MGRN1: variants seen among roughly 807,000 people sequenced by gnomAD.
MGRN1 encodes the protein E3 ubiquitin-protein ligase MGRN1.
Under a neutral mutation model 69.2 loss-of-function variants are expected in MGRN1, and 29 were observed. The ratio of observed to expected loss-of-function variants is 0.42; its 90% CI spans 0.31 to 0.57. MGRN1 has a LOEUF of 0.57. MGRN1 is among the 20% of genes least tolerant of loss of function. The pLI is 0.15. For missense variants in MGRN1, 998 were observed against 796.2 expected (o/e 1.25, Z -3.05); for synonymous variants, 470 against 344.2 (o/e 1.37, Z -4.04).
intron 16 of MGRN1, chr16:4,686,435 C>T: frequency 7.0e-7 from 1 of 1,426,168 alleles, no homozygotes; most frequent in East Asian, 2.7e-5. Context: ...TCCCAGGGGC[C>T]CTGGATTCCG....
At chr16:4,644,762 C>T (rs188162773) in intron 1 of MGRN1, among the ~76,000 whole-genome samples, 17 of 152,338 alleles carry the variant, frequency 1.1e-4, no homozygotes, top group Admixed American at 8.5e-4. Context: ...TCACAACTTA[C>T]GTCCTTCCAG....
chr16:4,690,848 T>C lies in MGRN1; in HGVS notation c.*1940T>C, dbSNP rs1223983199. On this transcript the variant is annotated 3_prime_UTR_variant, in exon 17 of 17. Coordinates refer to ENST00000262370, the MANE Select transcript of MGRN1 (RefSeq NM_015246.4). ...GCCATCAGTCCTGGTGCCAGAGCTT[T>C]GCGTGAAGTTCGGGCCGCAGAGTGG... The C allele has an allele frequency of 1.4e-5, 2 of 140,696 alleles. No individual in the cohort carries two copies. The highest frequency in any genetic ancestry group is 3.1e-5 in the Non-Finnish European group (2 of 64,942). 8.7% of individuals were successfully genotyped at this position (140,696 alleles called of 1,614,324 possible).
At chr16:4,672,987 T>A (rs2078972346) in intron 9 of MGRN1, among the ~76,000 whole-genome samples, 1 of 152,128 alleles carries the variant, frequency 6.6e-6, no homozygotes, top group Non-Finnish European at 1.5e-5. Context: ...TACAAGCACG[T>A]GCCACCATGC....
intron 10 of MGRN1, among the ~76,000 whole-genome samples, chr16:4,676,128 G>C (rs2079047881): frequency 6.6e-6 from 1 of 152,262 alleles, no homozygotes; most frequent in South Asian, 2.1e-4. Context: ...TGGGGTCACT[G>C]GATGTGTCCA....
intron 1 of MGRN1, among the ~76,000 whole-genome samples, chr16:4,637,168 A>G (rs1898344271): frequency 6.7e-6 from 1 of 150,238 alleles, no homozygotes; most frequent in Admixed American, 6.7e-5. Flanking sequence ...AGTGGCTCAC[A>G]CCTGTAATTC....
At chr16:4,644,682 G>A (rs892651004) in intron 1 of MGRN1, among the ~76,000 whole-genome samples, 7 of 152,140 alleles carry the variant, frequency 4.6e-5, no homozygotes, top group African/African-American at 9.7e-5. Flanking sequence ...TGTAACAATA[G>A]CATCTATTTC....
Position 4,677,436 on chromosome 16 carries a change from C to G in MGRN1, c.956-27C>G, listed in dbSNP as rs1036669646. 65 of 1,520,140 alleles carry G rather than the reference C, an allele frequency of 4.3e-5. 4 individuals carry two copies. Among genetic ancestry groups the G allele is most frequent in the Non-Finnish European group, 8.8e-7 (1 of 1,135,874 alleles). The allele number at this position is 1,520,140 out of a possible 1,614,324, so 94.2% of individuals were successfully genotyped here. ...TCGGGGCTGGGTGTGTCGCCTGGGC[C>G]TGATCTGAGCCCTCCTTCTGCCGCA... On this transcript the variant is annotated intron_variant, in intron 10 of 16. Coordinates refer to ENST00000262370, the MANE Select transcript of MGRN1 (RefSeq NM_015246.4).
chr16:4,642,031 G>A (rs2078170595), intron 1 of MGRN1, among the ~76,000 whole-genome samples: 1 of 151,946 alleles, frequency 6.6e-6, no homozygotes, highest in Non-Finnish European at 1.5e-5. Context: ...GATTGTCTGC[G>A]CCGTGTTGAT....
intron 5 of MGRN1, among the ~76,000 whole-genome samples, chr16:4,660,823 A>G (rs2078660858): frequency 6.6e-6 from 1 of 152,176 alleles, no homozygotes; most frequent in Non-Finnish European, 1.5e-5. Flanking sequence ...CTACAGTCCC[A>G]GCATGATCAG....
intron 16 of MGRN1, chr16:4,687,379 TATGAAAA>T (rs1307477809): frequency 1.7e-5 from 16 of 927,856 alleles, no homozygotes; most frequent in Non-Finnish European, 2.1e-5. Flanking sequence ...ACCCCCTCTC[TATGAAAA>T]ATAAAAAATT....
chr16:4,642,215 C>G (rs1347472169), intron 1 of MGRN1, among the ~76,000 whole-genome samples: 2 of 151,162 alleles, frequency 1.3e-5, no homozygotes, highest in Admixed American at 1.3e-4. Context: ...GCTGCAACCT[C>G]TGCCTCTTGG....
chr16:4,682,433 C>T (rs899659826), intron 13 of MGRN1, among the ~76,000 whole-genome samples: 12 of 152,194 alleles, frequency 7.9e-5, no homozygotes, highest in Admixed American at 3.9e-4. Flanking sequence ...GTCAGGAAGG[C>T]GCGGGTTCTG....
chr16:4,688,391 C>T (rs1177381908), intron 16 of MGRN1: 1 of 1,012,790 alleles, frequency 9.9e-7, no homozygotes, highest in Non-Finnish European at 1.2e-6. Context: ...GCTCCCCACC[C>T]CTGCACCCTG....
intron 9 of MGRN1, among the ~76,000 whole-genome samples, chr16:4,671,991 C>T (rs756725472): frequency 4.6e-5 from 7 of 152,168 alleles, no homozygotes; most frequent in East Asian, 1.9e-4. Flanking sequence ...CTGTGGCCTC[C>T]GCCTCCCGGG....
chr16:4,683,160 G>T lies in MGRN1; in HGVS notation c.1483-64G>T, dbSNP rs551990761. Reference sequence around the variant, plus strand: ...CCCGGGAGGGCCGTGCCTGATGGCGGCTTGTCCTGGAGCGGTGGCCGCGGC... The same window carrying T: ...CCCGGGAGGGCCGTGCCTGATGGCGTCTTGTCCTGGAGCGGTGGCCGCGGC... On this transcript the variant is annotated intron_variant, in intron 14 of 16. Coordinates refer to ENST00000262370, the MANE Select transcript of MGRN1 (RefSeq NM_015246.4). 252 of 1,595,734 alleles carry T rather than the reference G, an allele frequency of 1.6e-4. 1 individual carries two copies. In the African/African-American group the frequency reaches 2.8e-3, roughly 18 times the overall value.
At chr16:4,679,841 G>A (rs2079138284) in intron 11 of MGRN1, among the ~76,000 whole-genome samples, 191 bp from the exon 12 acceptor site, 1 of 152,090 alleles carries the variant, frequency 6.6e-6, no homozygotes, top group South Asian at 2.1e-4. Flanking sequence ...GGGAGCTGCC[G>A]AGACGCACAC....
chr16:4,683,362 G>C (rs2079232827), intron 15 of MGRN1, 93 bp downstream of exon 15: 1 of 1,441,676 alleles, frequency 6.9e-7, no homozygotes, highest in South Asian at 1.2e-5. Flanking sequence ...TGTTGGGCCA[G>C]CACCTCTTCT....
At chr16:4,686,822 G>T (rs139266385) in intron 16 of MGRN1, 4 of 987,182 alleles carry the variant, frequency 4.1e-6, no homozygotes, top group Non-Finnish European at 4.8e-6. Flanking sequence ...GTCCACTCCC[G>T]TGTTCCGGTC....
At chr16:4,637,118 CA>C (rs36033548) in intron 1 of MGRN1, among the ~76,000 whole-genome samples, 3,187 of 48,482 alleles carry the variant, frequency 0.066, 35 homozygotes, top group African/African-American at 0.074. Flanking sequence ...GACTCCATCT[CA>C]AAAAAAAAAA....
Sources: allele counts gnomAD v4.1 joint callset (sites outside exome capture counted in the v4.1 genomes callset), GRCh38; gene constraint gnomAD v4.1.1; transcripts MANE v1.5; gene names NCBI Gene and HGNC (gene_info 2026-07-23, HGNC 2026-07-21).